The following TMEM131 variants were observed in gnomAD, a reference collection of about 807,000 sequenced individuals.
The protein encoded by TMEM131 is 2610524E03Rik.
A neutral mutation model predicts 211.6 loss-of-function variants in TMEM131; 66 were observed. The ratio of observed to expected loss-of-function variants is 0.31; its 90% confidence interval spans 0.26 to 0.38. TMEM131 has a LOEUF of 0.38. Among genes scored for constraint, TMEM131 ranks in the 10% least tolerant of loss-of-function variants. The pLI is 1.00. For synonymous variants in TMEM131, 844 were observed against 841.3 expected (o/e 1.00, Z -0.06); for missense variants, 2,036 against 2,299.3 (o/e 0.89, Z 2.34).
intron 11 of TMEM131, among the ~76,000 whole-genome samples, chr2:97,828,706 T>C (rs1299680911): frequency 2.0e-5 from 3 of 152,030 alleles, no homozygotes; most frequent in Admixed American, 1.3e-4. Flanking sequence ...AGGAGAAGAG[T>C]GTTTTTTTAC....
chr2:97,873,010 C>A (rs1674553153), intron 4 of TMEM131, among the ~76,000 whole-genome samples: 1 of 152,168 alleles, frequency 6.6e-6, no homozygotes, highest in African/African-American at 2.4e-5. Context: ...GTTCTCGCTG[C>A]CAGCACAGAA....
intron 3 of TMEM131, among the ~76,000 whole-genome samples, chr2:97,891,937 G>A (rs759641916): frequency 2.0e-5 from 3 of 152,074 alleles, no homozygotes; most frequent in Non-Finnish European, 4.4e-5. Context: ...AAACATTACA[G>A]CCACAAATAA....
intron 1 of TMEM131, among the ~76,000 whole-genome samples, chr2:97,990,150 A>T (rs1370955137): frequency 6.6e-6 from 1 of 152,206 alleles, no homozygotes; most frequent in Non-Finnish European, 1.5e-5. Context: ...CAGGTATCTA[A>T]GTCATCAAGA....
At chr2:97,865,926 A>G (rs1470664822) in intron 4 of TMEM131, among the ~76,000 whole-genome samples, 1 of 152,180 alleles carries the variant, frequency 6.6e-6, no homozygotes, top group Non-Finnish European at 1.5e-5. Flanking sequence ...TCTGTCACCC[A>G]GGCTGGAATG....
intron 1 of TMEM131, among the ~76,000 whole-genome samples, chr2:97,941,310 T>C (rs561098997): frequency 2.6e-5 from 4 of 152,198 alleles, no homozygotes; most frequent in East Asian, 3.9e-4. Context: ...TTACACCTTA[T>C]ACAAAAATTA....
intron 2 of TMEM131, among the ~76,000 whole-genome samples, chr2:97,914,580 A>T (rs1329758215): frequency 6.6e-6 from 1 of 152,184 alleles, no homozygotes; most frequent in East Asian, 1.9e-4. Flanking sequence ...TCTATTATTC[A>T]TGACTAAAAT....
intron 26 of TMEM131, 123 bp from the exon 27 acceptor site, chr2:97,797,109 T>C: frequency 1.8e-6 from 2 of 1,117,998 alleles, no homozygotes; most frequent in Non-Finnish European, 2.5e-6. Context: ...TGAGAATTTA[T>C]ACTTTAAGAA....
chr2:97,829,631 G>A (rs1192813765), intron 11 of TMEM131, among the ~76,000 whole-genome samples: 1 of 152,196 alleles, frequency 6.6e-6, no homozygotes, highest in African/African-American at 2.4e-5. Context: ...CTTCCACGCT[G>A]TGGAAGCTTT....
At position 97,844,039 on chromosome 2, in the gene TMEM131, C is replaced by A. The variant is rs1683316337; in HGVS notation, c.600+106G>T. 5 of 370,558 alleles carry A rather than the reference C, an allele frequency of 1.3e-5. No individual in the cohort carries two copies. In the East Asian group the frequency reaches 2.0e-4, roughly 15 times the overall value. The allele number at this position is 370,558 out of a possible 1,614,324, so 23.0% of individuals were successfully genotyped here. A position where few individuals can be genotyped will look rare whatever the true frequency, so the allele number is the denominator to read the frequency against. ...AAAATGCTCTAAGTCTAAACTCCTA[C>A]ATTTTCTATTATCCTTTGAGTTCCT... On this transcript the variant is annotated intron_variant, in intron 6 of 40. Coordinates refer to ENST00000186436, the MANE Select transcript of TMEM131 (RefSeq NM_015348.2).
Position 97,859,285 on chromosome 2 carries a change from G to A in TMEM131, c.483+19C>T. 6.3e-7 allele frequency: 1 copy of A among 1,585,476 alleles called. No individual in the cohort carries two copies. ...CAACTTCAAACTCAGGAAAGATCAT[G>A]TATAGCAGAGAAACTTACCCTATTT... On this transcript the variant is annotated intron_variant, in intron 5 of 40. Transcript: ENST00000186436.
intron 4 of TMEM131, 123 bp from the exon 5 acceptor site, chr2:97,859,550 G>T (rs1673981563): frequency 2.3e-6 from 2 of 853,110 alleles, no homozygotes; most frequent in Non-Finnish European, 3.3e-6. Flanking sequence ...AATGCTTTCT[G>T]AATTTATATT....
At chr2:97,860,312 G>A (rs1405383422) in intron 4 of TMEM131, among the ~76,000 whole-genome samples, 3 of 152,006 alleles carry the variant, frequency 2.0e-5, no homozygotes, top group Non-Finnish European at 4.4e-5. Context: ...AGTCCCCCAC[G>A]GCTCTGCTAA....
chr2:97,908,390 C>G (rs1676158852), intron 3 of TMEM131, among the ~76,000 whole-genome samples: 1 of 152,168 alleles, frequency 6.6e-6, no homozygotes, highest in Admixed American at 6.5e-5. Flanking sequence ...AGTTACACAG[C>G]TGATCATCTC....
intron 1 of TMEM131, among the ~76,000 whole-genome samples, chr2:97,949,591 G>C (rs977196150): frequency 6.6e-6 from 1 of 151,826 alleles, no homozygotes; most frequent in East Asian, 1.9e-4. Flanking sequence ...GAGGCGGGTG[G>C]ATCACAAGGT....
intron 3 of TMEM131, among the ~76,000 whole-genome samples, chr2:97,905,498 G>A (rs558865182): frequency 1.5e-4 from 23 of 152,244 alleles, no homozygotes; most frequent in Non-Finnish European, 2.8e-4. Context: ...AACTCACTTA[G>A]ACATGTGTTA....
chr2:97,798,343 T>C (rs1159627047), intron 25 of TMEM131, among the ~76,000 whole-genome samples: 1 of 152,250 alleles, frequency 6.6e-6, no homozygotes, highest in African/African-American at 2.4e-5. Flanking sequence ...CGCTTGGCTA[T>C]AAACATCCAC....
intron 3 of TMEM131, among the ~76,000 whole-genome samples, chr2:97,901,294 C>T (rs1372744372): frequency 6.6e-6 from 1 of 152,148 alleles, no homozygotes; most frequent in African/African-American, 2.4e-5. Flanking sequence ...TAGCCTACAT[C>T]AATGTCTTGG....
At chr2:97,804,982 A>T in intron 22 of TMEM131, 106 bp downstream of exon 22, 1 of 772,136 alleles carries the variant, frequency 1.3e-6, no homozygotes, top group Non-Finnish European at 1.9e-6. Flanking sequence ...ATTCTTTCTT[A>T]GCTATAAAGC....
intron 1 of TMEM131, among the ~76,000 whole-genome samples, chr2:97,979,328 T>G (rs539495524): frequency 6.6e-6 from 1 of 152,334 alleles, no homozygotes; most frequent in East Asian, 1.9e-4. Flanking sequence ...AGAGTCAGCC[T>G]GTCCTTCGAA....
Sources: allele counts gnomAD v4.1 joint callset (sites outside exome capture counted in the v4.1 genomes callset), GRCh38; gene constraint gnomAD v4.1.1; transcripts MANE v1.5; gene names NCBI Gene and HGNC (gene_info 2026-07-23, HGNC 2026-07-21).